Variants in ROBO2 observed in about 807,000 individuals in gnomAD.
ROBO2 encodes the protein roundabout guidance receptor 2.
ROBO2 carries 53 observed loss-of-function variants against 160.8 expected under a neutral mutation model. The ratio of observed to expected loss-of-function variants is 0.33; its 90% confidence interval spans 0.26 to 0.41. The LOEUF (loss-of-function observed/expected upper bound fraction) is 0.41, where lower values mean the gene tolerates loss of function less well. ROBO2 is among the 10% of genes least tolerant of loss of function. The pLI is 1.00. For synonymous variants in ROBO2, 664 were observed against 611.7 expected (o/e 1.09, Z -1.26); for missense variants, 1,577 against 1,722.4 (o/e 0.92, Z 1.49).
At chr3:77,507,187 A>T (rs1476066744) in intron 5 of ROBO2, among the ~76,000 whole-genome samples, 1 of 152,174 alleles carries the variant, frequency 6.6e-6, no homozygotes, top group Non-Finnish European at 1.5e-5. Flanking sequence ...ATGAGGTTGT[A>T]TGGAATTCAT....
intron 3 of ROBO2, among the ~76,000 whole-genome samples, chr3:77,480,703 A>T (rs1363050408): frequency 6.6e-6 from 1 of 152,132 alleles, no homozygotes; most frequent in African/African-American, 2.4e-5. Context: ...ATACTTTCTG[A>T]ATCCCTCTGA....
At chr3:77,097,575 T>A (rs1326506028) in intron 1 of ROBO2, among the ~76,000 whole-genome samples, 1 of 152,132 alleles carries the variant, frequency 6.6e-6, no homozygotes, top group Admixed American at 6.5e-5. Context: ...TTTACAGGTC[T>A]CTTTTTGTGT....
intron 2 of ROBO2, among the ~76,000 whole-genome samples, chr3:76,555,358 G>GA (rs1553799308): frequency 3.5e-5 from 2 of 57,932 alleles, no homozygotes; most frequent in Non-Finnish European, 7.6e-5. Flanking sequence ...AGTAGGAAGA[G>GA]AGAAGAAGAA....
At chr3:77,044,186 T>C (rs1305328105) in intron 1 of ROBO2, among the ~76,000 whole-genome samples, 2 of 152,022 alleles carry the variant, frequency 1.3e-5, no homozygotes, top group Non-Finnish European at 2.9e-5. Flanking sequence ...AAGTAATGAT[T>C]ATATAAAAAG....
intron 2 of ROBO2, among the ~76,000 whole-genome samples, chr3:76,036,506 C>T (rs2067114094): frequency 6.6e-6 from 1 of 151,228 alleles, no homozygotes; most frequent in South Asian, 2.1e-4. Flanking sequence ...AAGTTTCTCC[C>T]TTTTTTCTTT....
At chr3:76,895,032 C>A (rs533346730) in intron 2 of ROBO2, among the ~76,000 whole-genome samples, 5 of 151,992 alleles carry the variant, frequency 3.3e-5, no homozygotes, top group South Asian at 2.1e-4. Context: ...ACCTTAAAAT[C>A]AAAAAGTAGA....
At chr3:76,463,342 A>G (rs2078186804) in intron 2 of ROBO2, among the ~76,000 whole-genome samples, 1 of 151,718 alleles carries the variant, frequency 6.6e-6, no homozygotes, top group African/African-American at 2.4e-5. Context: ...AGTCACTTGC[A>G]TTCTCCTAAC....
At chr3:76,258,934 G>C (rs965307646) in intron 2 of ROBO2, among the ~76,000 whole-genome samples, 11 of 151,980 alleles carry the variant, frequency 7.2e-5, no homozygotes, top group African/African-American at 2.7e-4. Flanking sequence ...ATTTTGGAGA[G>C]AAAAGTCATC....
At chr3:77,372,101 G>GC (rs1182411303) in intron 2 of ROBO2, among the ~76,000 whole-genome samples, 4 of 151,898 alleles carry the variant, frequency 2.6e-5, no homozygotes, top group African/African-American at 9.7e-5. Context: ...TTTAGAGACT[G>GC]TAAACTACAT....
At chr3:77,431,102 T>C (rs1018516412) in intron 2 of ROBO2, among the ~76,000 whole-genome samples, 4 of 152,238 alleles carry the variant, frequency 2.6e-5, no homozygotes, top group African/African-American at 7.2e-5. Context: ...GAAATGTATA[T>C]AGTGCAACAA....
chr3:76,870,708 A>G (rs1332974101), intron 2 of ROBO2, among the ~76,000 whole-genome samples: 2 of 152,138 alleles, frequency 1.3e-5, no homozygotes, highest in African/African-American at 2.4e-5. Flanking sequence ...ACATCTATTC[A>G]TATTCTCCAA....
chr3:77,049,900 T>A (rs1267256630), intron 1 of ROBO2, among the ~76,000 whole-genome samples: 1 of 152,182 alleles, frequency 6.6e-6, no homozygotes, highest in African/African-American at 2.4e-5. Flanking sequence ...CCAATTAAAA[T>A]GTTCATAAGT....
At chr3:77,441,139 TC>T (rs1207225569) in intron 2 of ROBO2, among the ~76,000 whole-genome samples, 4 of 152,076 alleles carry the variant, frequency 2.6e-5, no homozygotes, top group African/African-American at 7.2e-5. Flanking sequence ...CTGGGGCTTG[TC>T]CCCTTGTGCC....
intron 12 of ROBO2, among the ~76,000 whole-genome samples, chr3:77,566,338 T>G (rs962635821): frequency 2.6e-5 from 4 of 152,038 alleles, no homozygotes; most frequent in African/African-American, 9.7e-5. Context: ...AGAACCTGTC[T>G]CTTGAGAAAG....
intron 2 of ROBO2, among the ~76,000 whole-genome samples, chr3:76,924,657 A>G (rs1402606473): frequency 6.6e-6 from 1 of 152,196 alleles, no homozygotes. Flanking sequence ...CCCAGTGCAT[A>G]TATATCACAG....
At chr3:76,148,223 TA>T (rs2071994442) in intron 2 of ROBO2, among the ~76,000 whole-genome samples, 1 of 151,944 alleles carries the variant, frequency 6.6e-6, no homozygotes, top group Admixed American at 6.6e-5. Flanking sequence ...ACTACCCCCT[TA>T]AAACTAATAA....
At chr3:76,395,511 CA>C (rs1347004259) in intron 2 of ROBO2, among the ~76,000 whole-genome samples, 5 of 143,822 alleles carry the variant, frequency 3.5e-5, no homozygotes, top group African/African-American at 1.3e-4. Flanking sequence ...AAAAAACCTT[CA>C]AAAAATTAAT....
At chr3:76,993,429 A>G (rs1425435680) in intron 2 of ROBO2, among the ~76,000 whole-genome samples, 1 of 152,230 alleles carries the variant, frequency 6.6e-6, no homozygotes, top group African/African-American at 2.4e-5. Flanking sequence ...TTTGTTCTAG[A>G]TCACTATCCC....
intron 2 of ROBO2, among the ~76,000 whole-genome samples, chr3:77,275,369 A>G (rs2059761126): frequency 6.6e-6 from 1 of 152,214 alleles, no homozygotes; most frequent in South Asian, 2.1e-4. Flanking sequence ...GAACTTTAGC[A>G]TCTTATAATG....
Sources: allele counts gnomAD v4.1 joint callset (sites outside exome capture counted in the v4.1 genomes callset), GRCh38; gene constraint gnomAD v4.1.1; transcripts MANE v1.5; gene names NCBI Gene and HGNC (gene_info 2026-07-23, HGNC 2026-07-21).